Variants in TCF4 observed in about 807,000 individuals in gnomAD.
The protein encoded by TCF4 is transcription factor 4.
In TCF4, 3 loss-of-function variants were observed where a neutral mutation model predicts 82.1. The ratio of observed to expected loss-of-function variants is 0.04; its 90% CI spans 0.02 to 0.09. The LOEUF (loss-of-function observed/expected upper bound fraction) is 0.09, where lower values mean the gene tolerates loss of function less well. Ranked by LOEUF, TCF4 falls within the 10% of genes least tolerant of loss-of-function variation. The pLI is 1.00. For missense variants in TCF4, 518 were observed against 852.7 expected (o/e 0.61, Z 4.89); for synonymous variants, 276 against 309.6 (o/e 0.89, Z 1.14).
intron 5 of TCF4, among the ~76,000 whole-genome samples, chr18:55,409,038 T>G (rs2094223299): frequency 6.6e-6 from 1 of 152,184 alleles, no homozygotes; most frequent in African/African-American, 2.4e-5. Context: ...TACAATAAAC[T>G]GCCACCATCT....
intron 3 of TCF4, among the ~76,000 whole-genome samples, chr18:55,543,634 G>A (rs2097182308): frequency 6.6e-6 from 1 of 152,044 alleles, no homozygotes; most frequent in African/African-American, 2.4e-5. Flanking sequence ...TGATACAGCA[G>A]AGTTTTCATT....
intron 6 of TCF4, among the ~76,000 whole-genome samples, chr18:55,395,080 A>C (rs930518668): frequency 1.3e-5 from 2 of 152,210 alleles, no homozygotes; most frequent in East Asian, 1.9e-4. Context: ...AGCTCTCAAC[A>C]ATAAAATAAT....
At chr18:55,391,046 C>T (rs1226119497) in intron 6 of TCF4, among the ~76,000 whole-genome samples, 3 of 152,196 alleles carry the variant, frequency 2.0e-5, no homozygotes, top group African/African-American at 4.8e-5. Context: ...TGCAGAAAGA[C>T]TCCTTGAGGG....
chr18:55,303,226 TACACACACACACACACACAC>T (rs74180496), intron 8 of TCF4, among the ~76,000 whole-genome samples: 2 of 135,988 alleles, frequency 1.5e-5, no homozygotes, highest in Admixed American at 1.5e-4. Flanking sequence ...TCCCAGTACG[TACACACACACACACACACAC>T]ACACACACAC....
chr18:55,478,120 G>A (rs190185451), intron 3 of TCF4, among the ~76,000 whole-genome samples: 1 of 152,314 alleles, frequency 6.6e-6, no homozygotes, highest in Admixed American at 6.5e-5. Flanking sequence ...GGGGTTCCGG[G>A]AAAGCCGGAG....
intron 3 of TCF4, among the ~76,000 whole-genome samples, chr18:55,496,545 A>G (rs2096638291): frequency 6.6e-6 from 1 of 152,154 alleles, no homozygotes; most frequent in Non-Finnish European, 1.5e-5. Flanking sequence ...GTTAATAAAA[A>G]TATTTATACT....
At position 55,586,044 on chromosome 18, in the gene TCF4, C is replaced by T; in HGVS notation, c.73-692G>A. The T allele has an allele frequency of 1.4e-6, 2 of 1,386,930 alleles. 1 individual carries two copies. The highest frequency in any genetic ancestry group is 1.9e-6 in the Non-Finnish European group (2 of 1,054,846). The allele number at this position is 1,386,930 out of a possible 1,614,324, so 85.9% of individuals were successfully genotyped here. A position where few individuals can be genotyped will look rare whatever the true frequency, so the allele number is the denominator to read the frequency against. On this transcript the variant is annotated intron_variant, in intron 2 of 19. Coordinates refer to ENST00000354452, the MANE Select transcript of TCF4 (RefSeq NM_001083962.2). The stretch of plus-strand genomic sequence containing the variant: ...AGTGCAACAAGCAGAAAGGGGGCTG[C>T]AAAGCTGCCTGCCTAGGGCTACGTT...
intron 3 of TCF4, among the ~76,000 whole-genome samples, chr18:55,536,866 G>A (rs1048519129): frequency 6.6e-6 from 1 of 152,142 alleles, no homozygotes; most frequent in African/African-American, 2.4e-5. Context: ...CGGGTGTGGT[G>A]GCTCACGCCT....
At chr18:55,261,322 AG>A in intron 12 of TCF4, 143 bp downstream of exon 12, 1 of 978,680 alleles carries the variant, frequency 1.0e-6, no homozygotes, top group Non-Finnish European at 1.6e-6. Flanking sequence ...CAAATTTTCC[AG>A]TGACTGTTAT....
intron 6 of TCF4, among the ~76,000 whole-genome samples, chr18:55,356,583 A>ATAG (rs1174767491): frequency 6.6e-6 from 1 of 152,178 alleles, no homozygotes; most frequent in Non-Finnish European, 1.5e-5. Flanking sequence ...CAAAAATAAG[A>ATAG]AATGTGTTAT....
chr18:55,260,929 T>C (rs1180752935), intron 12 of TCF4, among the ~76,000 whole-genome samples: 1 of 152,168 alleles, frequency 6.6e-6, no homozygotes, highest in East Asian at 1.9e-4. Flanking sequence ...TCTGAGACAA[T>C]GAAGGTATGC....
chr18:55,370,821 A>G (rs1156352618), intron 6 of TCF4, among the ~76,000 whole-genome samples: 1 of 152,260 alleles, frequency 6.6e-6, no homozygotes, highest in Admixed American at 6.5e-5. Flanking sequence ...ACTAAGAGCC[A>G]GTTAGTAAGT....
At chr18:55,466,410 T>G (rs2096020278) in intron 3 of TCF4, among the ~76,000 whole-genome samples, 1 of 152,000 alleles carries the variant, frequency 6.6e-6, no homozygotes, top group African/African-American at 2.4e-5. Flanking sequence ...GGCAGGAAGA[T>G]CCCTTGAGCC....
At chr18:55,462,068 A>C (rs554577898) in intron 4 of TCF4, among the ~76,000 whole-genome samples, 30 of 152,298 alleles carry the variant, frequency 2.0e-4, no homozygotes, top group African/African-American at 6.3e-4. Context: ...TGTGAGCCAA[A>C]GGGCAAAATC....
Position 55,386,024 on chromosome 18 carries a change from C to A in TCF4, c.369+17430G>T, listed in dbSNP as rs1418434163. On this transcript the variant is annotated intron_variant, in intron 6 of 19. Transcript: ENST00000354452. ...TCAATCTGCATTCATGACCAACAAG[C>A]TGGAGTAGTGCCAGAACAGAGCCTG... 2.6e-5 allele frequency among the ~76,000 whole-genome samples: 4 copies of A among 152,324 alleles called. No individual in the cohort carries two copies. In the East Asian group the frequency reaches 7.7e-4, roughly 29 times the overall value.
intron 8 of TCF4, among the ~76,000 whole-genome samples, chr18:55,333,725 G>C (rs1164740406): frequency 1.3e-5 from 2 of 152,098 alleles, no homozygotes; most frequent in Non-Finnish European, 2.9e-5. Context: ...TCTCAATTGC[G>C]ATTATCCCTT....
chr18:55,321,363 A>T lies in TCF4; in HGVS notation c.549+28996T>A, dbSNP rs1219655443. On this transcript the variant is annotated intron_variant, in intron 8 of 19. Coordinates refer to ENST00000354452, the MANE Select transcript of TCF4 (RefSeq NM_001083962.2). ...GAATAAGAATTTTCCAAAACTCTTT[A>T]AAAAAAAAAAATCATACCACCTCTC... 25 of 213,546 alleles carry T rather than the reference A, an allele frequency of 1.2e-4. No homozygotes were observed. The South Asian group carries it at 1.4e-3, about 12-fold the overall frequency. The allele number at this position is 213,546 out of a possible 1,614,324, so 13.2% of individuals were successfully genotyped here.
At chr18:55,321,670 C>T in intron 8 of TCF4, 1 of 1,536,134 alleles carries the variant, frequency 6.5e-7, no homozygotes, top group Non-Finnish European at 8.7e-7. Flanking sequence ...ATTCGCTTAC[C>T]GCTTTCCCAT....
intron 6 of TCF4, among the ~76,000 whole-genome samples, chr18:55,392,655 A>G (rs2093226843): frequency 6.6e-6 from 1 of 152,094 alleles, no homozygotes; most frequent in Non-Finnish European, 1.5e-5. Context: ...CCCTCGGTCC[A>G]GTTATACACA....
Sources: allele counts gnomAD v4.1 joint callset (sites outside exome capture counted in the v4.1 genomes callset), GRCh38; gene constraint gnomAD v4.1.1; transcripts MANE v1.5; gene names NCBI Gene and HGNC (gene_info 2026-07-23, HGNC 2026-07-21).